Variants in ZNF529 observed in about 807,000 individuals in gnomAD.
The protein encoded by ZNF529 is zinc finger protein 529.
In ZNF529, 11 loss-of-function variants were observed where a neutral mutation model predicts 10.1. That is an observed-to-expected ratio of 1.09 (90% CI 0.69 to 1.81). The LOEUF (loss-of-function observed/expected upper bound fraction) is 1.81. Ranked by LOEUF, ZNF529 falls within the 40% of genes most tolerant of loss-of-function variation. ZNF529 has a pLI of 0.00. For missense variants in ZNF529, 624 were observed against 666.8 expected (o/e 0.94, Z 0.71); for synonymous variants, 204 against 215.7 (o/e 0.95, Z 0.47).
intron 4 of ZNF529, among the ~76,000 whole-genome samples, chr19:36,549,055 G>C (rs2035163656): frequency 6.6e-6 from 1 of 152,084 alleles, no homozygotes; most frequent in South Asian, 2.1e-4. Context: ...TCATCTCCTA[G>C]ATCAAAACAA....
chr19:36,568,751 T>TTC (rs2035990806), intron 2 of ZNF529, among the ~76,000 whole-genome samples: 1 of 152,012 alleles, frequency 6.6e-6, no homozygotes, highest in Non-Finnish European at 1.5e-5. Context: ...GGATTACAGG[T>TTC]GTGAGCCACT....
intron 2 of ZNF529, among the ~76,000 whole-genome samples, chr19:36,589,052 T>A (rs534558491): frequency 6.6e-6 from 1 of 152,122 alleles, no homozygotes; most frequent in South Asian, 2.1e-4. Flanking sequence ...CAAGTGAGCC[T>A]TTCACCTCAG....
chr19:36,580,658 A>G (rs1287656716), intron 2 of ZNF529: 2 of 152,242 alleles, frequency 1.3e-5, no homozygotes, highest in Non-Finnish European at 2.9e-5. Context: ...CTAACAGAAC[A>G]AAAGAAATAG....
At chr19:36,582,101 G>C (rs2036475943) in intron 2 of ZNF529, 1 of 152,092 alleles carries the variant, frequency 6.6e-6, no homozygotes, top group Non-Finnish European at 1.5e-5. Flanking sequence ...CCACTTTTAG[G>C]CTATTAACGC....
At chr19:36,586,842 G>A (rs566951892) in intron 2 of ZNF529, among the ~76,000 whole-genome samples, 27 of 152,152 alleles carry the variant, frequency 1.8e-4, no homozygotes, top group African/African-American at 5.8e-4. Flanking sequence ...GTCATAATTC[G>A]CTGCCCTGAT....
intron 2 of ZNF529, among the ~76,000 whole-genome samples, chr19:36,588,368 T>G (rs1165328626): frequency 6.6e-6 from 1 of 152,104 alleles, no homozygotes; most frequent in Non-Finnish European, 1.5e-5. Flanking sequence ...AGAGCGTTGT[T>G]TTACCCTCCT....
chr19:36,548,003 C>T lies in ZNF529; in HGVS notation c.555G>A (p.Glu185=), dbSNP rs751918768. The stretch of plus-strand genomic sequence containing the variant: ...TATGTATTTTCTGATATTCATCAAA[C>T]TCTAAGTCACAACTGAAGACCTTCT... ...EYEKVFSCDL[E]FDEYQKIHTG... The change falls in exon 5 of 5, where the codon GAG becomes GAA. Residue 185 remains glutamate (E), a synonymous_variant. Transcript: ENST00000591340. 1.2e-6 allele frequency: 2 copies of T among 1,613,690 alleles called. No homozygotes were observed. The highest frequency in any genetic ancestry group is 3.3e-5 in the Admixed American group (2 of 59,984).
intron 2 of ZNF529, among the ~76,000 whole-genome samples, chr19:36,584,330 G>T (rs562686961): frequency 6.6e-6 from 1 of 152,018 alleles, no homozygotes; most frequent in Non-Finnish European, 1.5e-5. Context: ...TCAGCAAAAA[G>T]AAAAACCCAG....
chr19:36,547,921 A>G lies in ZNF529; in HGVS notation c.637T>C (p.Ser213Pro), dbSNP rs1487448480. 1 of 1,612,800 alleles carries G rather than the reference A, an allele frequency of 6.2e-7. No individual in the cohort carries two copies. The highest frequency in any genetic ancestry group is 1.1e-5 in the South Asian group (1 of 90,924). The stretch of plus-strand genomic sequence containing the variant: ...TGAATATTCAGTTGTAACATACTGG[A>G]GTTATCTATCCCAAAGGTTTTCCAA... ...QCWKTFGIDNSSMLQLNIHTG... is the reference protein window; with the variant it reads ...QCWKTFGIDNPSMLQLNIHTG... Residue 213 changes from serine (S) to proline (P), a missense_variant, in exon 5 of 5, where the codon TCC (serine) becomes CCC (proline). Transcript: ENST00000591340.
intron 2 of ZNF529, among the ~76,000 whole-genome samples, chr19:36,567,301 G>A (rs1230071101): frequency 6.6e-6 from 1 of 152,066 alleles, no homozygotes; most frequent in Non-Finnish European, 1.5e-5. Flanking sequence ...ACATGCAAAA[G>A]AATGAAATTG....
In ZNF529 at chr19:36,546,899, C is replaced by T. The variant is rs186457740; in HGVS notation, c.1659G>A (p.Pro553=). 6 of 1,610,522 alleles carry T rather than the reference C, an allele frequency of 3.7e-6. No individual in the cohort carries two copies. The highest frequency in any genetic ancestry group is 2.7e-5 in the African/African-American group (2 of 74,970). ...FSVVGHLTCQ[P]KIYTGEKSFD ...ATGATTTCTCACCAGTGTAAATTTTCGGTTGGCAAGTAAGATGCCCAACAA... is the reference window on the plus strand; with the variant it reads ...ATGATTTCTCACCAGTGTAAATTTTTGGTTGGCAAGTAAGATGCCCAACAA... Residue 553 remains proline (P), a synonymous_variant, in exon 5 of 5, where the codon CCG becomes CCA. Coordinates refer to ENST00000591340, the MANE Select transcript of ZNF529 (RefSeq NM_020951.5).
chr19:36,576,222 T>C (rs949335132), upstream of ZNF529, among the ~76,000 whole-genome samples: 2 of 152,196 alleles, frequency 1.3e-5, no homozygotes, highest in Non-Finnish European at 2.9e-5. Flanking sequence ...GCAAGGGTCC[T>C]TTCCTGCAAA....
rs1053170920 is a variant in ZNF529 at position 36,545,917 on chromosome 19, A to G, written c.*949T>C. 1 of 151,816 alleles carries G rather than the reference A, an allele frequency of 6.6e-6. No homozygotes were observed. The highest frequency in any genetic ancestry group is 2.4e-5 in the African/African-American group (1 of 41,332). The allele number at this position is 151,816 out of a possible 1,614,324, so 9.4% of individuals were successfully genotyped here. The stretch of plus-strand genomic sequence containing the variant: ...ATTTAAAAGAGTTCTCTTCATTTGG[A>G]TCCTGGTTGGTATAGCCTGCAGGTA... On this transcript the variant is annotated 3_prime_UTR_variant, in exon 5 of 5. Transcript: ENST00000591340.
chr19:36,556,842 C>T (rs1176344056), intron 2 of ZNF529, among the ~76,000 whole-genome samples: 1 of 152,188 alleles, frequency 6.6e-6, no homozygotes, highest in Non-Finnish European at 1.5e-5. Context: ...TTCTGTATTG[C>T]TCCTCAAAGG....
At chr19:36,554,885 T>G (rs368434594) in intron 3 of ZNF529, 89 bp from the exon 4 acceptor site, 1 of 1,235,574 alleles carries the variant, frequency 8.1e-7, no homozygotes, top group African/African-American at 1.5e-5. Flanking sequence ...AGCAAGGGGA[T>G]TGGACAGTAA....
chr19:36,554,869 C>A, intron 3 of ZNF529, 73 bp from the exon 4 acceptor site: 1 of 1,369,188 alleles, frequency 7.3e-7, no homozygotes, highest in Non-Finnish European at 9.6e-7. Flanking sequence ...AGAGGAATTG[C>A]CTTATAGCAA....
intron 2 of ZNF529, among the ~76,000 whole-genome samples, chr19:36,579,199 TAAAA>T (rs778678870): frequency 7.2e-6 from 1 of 139,422 alleles, no homozygotes; most frequent in Non-Finnish European, 1.6e-5. Flanking sequence ...AGACTCCGTC[TAAAA>T]AAAAAAAAAA....
intron 1 of ZNF529, among the ~76,000 whole-genome samples, chr19:36,596,721 T>C (rs1400385188): frequency 6.6e-6 from 1 of 152,000 alleles, no homozygotes; most frequent in Admixed American, 6.6e-5. Flanking sequence ...GTTTTCACCA[T>C]GTTGGCCATG....
intron 1 of ZNF529, among the ~76,000 whole-genome samples, chr19:36,601,333 T>TGACCTCGTGATCCGCC (rs2036920361): frequency 6.6e-6 from 1 of 152,106 alleles, no homozygotes; most frequent in African/African-American, 2.4e-5. Flanking sequence ...CTCGATCTCC[T>TGACCTCGTGATCCGCC]GACCTCGTGA....
Sources: allele counts gnomAD v4.1 joint callset (sites outside exome capture counted in the v4.1 genomes callset), GRCh38; gene constraint gnomAD v4.1.1; transcripts MANE v1.5; gene names NCBI Gene and HGNC (gene_info 2026-07-23, HGNC 2026-07-21).